SLC24A3: variants seen among roughly 807,000 people sequenced by gnomAD.
The protein encoded by SLC24A3 is solute carrier family 24 member 3, also known as sodium/potassium/calcium exchanger 3.
SLC24A3 carries 28 observed loss-of-function variants against 75.8 expected under a neutral mutation model. The observed-to-expected ratio is 0.37, with a 90% CI of 0.27 to 0.51. SLC24A3 has a LOEUF of 0.51. Ranked by LOEUF, SLC24A3 falls within the 20% of genes least tolerant of loss-of-function variation. The pLI, the probability that SLC24A3 is intolerant of heterozygous loss-of-function variation, is 0.94. For missense variants in SLC24A3, 663 were observed against 847.8 expected (o/e 0.78, Z 2.71); for synonymous variants, 372 against 334.1 (o/e 1.11, Z -1.24).
At chr20:19,449,171 G>A (rs1040215040) in intron 2 of SLC24A3, among the ~76,000 whole-genome samples, 1 of 152,006 alleles carries the variant, frequency 6.6e-6, no homozygotes, top group African/African-American at 2.4e-5. Context: ...TCAGAGTTAC[G>A]TCTCTGCAGT....
chr20:19,369,472 G>A (rs1985953785), intron 2 of SLC24A3, among the ~76,000 whole-genome samples: 1 of 143,038 alleles, frequency 7.0e-6, no homozygotes, highest in African/African-American at 3.0e-5. Flanking sequence ...GTGCAATGGG[G>A]GACTTTTGTT....
chr20:19,682,197 G>T (rs1160465103), intron 10 of SLC24A3, among the ~76,000 whole-genome samples: 2 of 152,188 alleles, frequency 1.3e-5, no homozygotes, highest in Admixed American at 6.5e-5. Flanking sequence ...AGACGTTGCA[G>T]TGAGCCGAGA....
intron 2 of SLC24A3, among the ~76,000 whole-genome samples, chr20:19,325,800 A>ATATAT (rs1237052924): frequency 4.7e-5 from 3 of 64,030 alleles, no homozygotes; most frequent in African/African-American, 2.4e-4. Flanking sequence ...ATATATAGAG[A>ATATAT]GAGAGAGAGA....
chr20:19,663,408 ACCTCCTCCT>A (rs1202385635), intron 7 of SLC24A3, among the ~76,000 whole-genome samples: 2 of 13,320 alleles, frequency 1.5e-4, no homozygotes, highest in Admixed American at 1.2e-3. Flanking sequence ...CTCCTCCTCC[ACCTCCTCCT>A]CCTCCTCCTC....
At chr20:19,442,538 T>C (rs758363748) in intron 2 of SLC24A3, among the ~76,000 whole-genome samples, 6 of 152,196 alleles carry the variant, frequency 3.9e-5, no homozygotes, top group Non-Finnish European at 8.8e-5. Context: ...GATCTTTTGC[T>C]CACTTTTTAA....
At position 19,572,020 on chromosome 20, in the gene SLC24A3, A is replaced by G. The variant is rs117187431; in HGVS notation, c.349-7980A>G. ...GTAGGGGAATAGAAAGTGAGACAGGAAAGTCAAAGCTACTAATAAAAGGTA... is the reference window on the plus strand; with the variant it reads ...GTAGGGGAATAGAAAGTGAGACAGGGAAGTCAAAGCTACTAATAAAAGGTA... On this transcript the variant is annotated intron_variant, in intron 3 of 16. Coordinates refer to ENST00000328041, the MANE Select transcript of SLC24A3 (RefSeq NM_020689.4). Among the ~76,000 whole-genome samples the G allele has an allele frequency of 1.5e-4, 23 of 152,338 alleles. 1 individual carries two copies. The East Asian group carries it at 4.4e-3, about 29-fold the overall frequency.
At chr20:19,685,013 A>G (rs2032657292) in intron 11 of SLC24A3, 87 bp from the exon 12 acceptor site, 16 of 1,480,684 alleles carry the variant, frequency 1.1e-5, no homozygotes, top group Middle Eastern at 2.5e-4. Flanking sequence ...GTCAGCTGCC[A>G]GGGAAAGATC....
chr20:19,335,831 A>G (rs781375119), intron 2 of SLC24A3, among the ~76,000 whole-genome samples: 1 of 152,226 alleles, frequency 6.6e-6, no homozygotes, highest in Non-Finnish European at 1.5e-5. Context: ...ATGGGTAATG[A>G]TGATGTAGAA....
At chr20:19,264,728 C>CAA (rs371253803) in intron 1 of SLC24A3, among the ~76,000 whole-genome samples, 45,957 of 97,450 alleles carry the variant, frequency 0.47, 10,243 homozygotes, top group Middle Eastern at 0.56. Flanking sequence ...GACTCCATCT[C>CAA]AAAAAAAAAA....
At chr20:19,558,795 T>C (rs546462012) in intron 3 of SLC24A3, among the ~76,000 whole-genome samples, 27 of 152,306 alleles carry the variant, frequency 1.8e-4, no homozygotes, top group African/African-American at 6.5e-4. Flanking sequence ...TATATGTATG[T>C]GCTGTGTGTA....
intron 2 of SLC24A3, among the ~76,000 whole-genome samples, chr20:19,379,088 A>G (rs1221838657): frequency 6.6e-6 from 1 of 152,122 alleles, no homozygotes; most frequent in Non-Finnish European, 1.5e-5. Context: ...TTACCATTTA[A>G]CCAAGAGGAT....
At position 19,676,647 on chromosome 20, in the gene SLC24A3, G is replaced by A. The variant is rs906069967; in HGVS notation, c.767+2993G>A. On this transcript the variant is annotated intron_variant, in intron 9 of 16. Coordinates refer to ENST00000328041, the MANE Select transcript of SLC24A3 (RefSeq NM_020689.4). ...AAAAAAAACAGCATATATTAGAATC[G>A]TCAGCTGCCTCCTAGGTGGAGAGTT... Among the ~76,000 whole-genome samples, 31 of 152,300 alleles carry A rather than the reference G, an allele frequency of 2.0e-4. 1 individual carries two copies. Among genetic ancestry groups the A allele is most frequent in the Admixed American group, 6.5e-5 (1 of 15,304 alleles).
chr20:19,306,097 C>G (rs916664082), intron 2 of SLC24A3, among the ~76,000 whole-genome samples: 1 of 152,270 alleles, frequency 6.6e-6, no homozygotes, highest in South Asian at 2.1e-4. Flanking sequence ...AGAAGACATA[C>G]GTGTGGCCAA....
rs559178368 is a variant in SLC24A3, at chr20:19,542,381, G to C, written c.348+26817G>C. ...TCATTAGAATGCAAACCTCAGGGCA[G>C]GGCTGCTGCATCAGGGTGGTAAATT... On this transcript the variant is annotated intron_variant, in intron 3 of 16. Coordinates refer to ENST00000328041, the MANE Select transcript of SLC24A3 (RefSeq NM_020689.4). Among the ~76,000 whole-genome samples the C allele has an allele frequency of 2.6e-5, 4 of 152,322 alleles. No homozygotes were observed. The South Asian group carries it at 8.3e-4, about 32-fold the overall frequency.
chr20:19,273,829 T>G (rs544615678), intron 1 of SLC24A3, among the ~76,000 whole-genome samples: 4 of 151,896 alleles, frequency 2.6e-5, no homozygotes, highest in Non-Finnish European at 5.9e-5. Flanking sequence ...AACACCCCCT[T>G]GGGCTGGGTC....
At chr20:19,720,906 C>T (rs2033098178) in intron 16 of SLC24A3, 85 bp from the exon 17 acceptor site, 2 of 1,530,460 alleles carry the variant, frequency 1.3e-6, no homozygotes, top group Non-Finnish European at 1.8e-6. Context: ...GCAGCCCTTC[C>T]CCGGGTCCCC....
chr20:19,268,805 T>C (rs949833116), intron 1 of SLC24A3, among the ~76,000 whole-genome samples: 1 of 152,222 alleles, frequency 6.6e-6, no homozygotes, highest in African/African-American at 2.4e-5. Context: ...TTAAGGCTAG[T>C]TTTCAGTATT....
intron 2 of SLC24A3, among the ~76,000 whole-genome samples, chr20:19,366,840 C>T: frequency 6.6e-6 from 1 of 152,186 alleles, no homozygotes; most frequent in East Asian, 1.9e-4. Flanking sequence ...GTCAAATGAT[C>T]TTCCATTCCC....
chr20:19,679,632 A>G (rs1351994511), intron 9 of SLC24A3, among the ~76,000 whole-genome samples: 1 of 152,114 alleles, frequency 6.6e-6, no homozygotes, highest in Non-Finnish European at 1.5e-5. Flanking sequence ...TAGGATTCTA[A>G]AAGGACTATT....
Sources: allele counts gnomAD v4.1 joint callset (sites outside exome capture counted in the v4.1 genomes callset), GRCh38; gene constraint gnomAD v4.1.1; transcripts MANE v1.5; gene names NCBI Gene and HGNC (gene_info 2026-07-23, HGNC 2026-07-21).